The following EIF4A3 variants were observed in gnomAD, a reference collection of about 807,000 sequenced individuals.
EIF4A3 encodes the protein eukaryotic translation initiation factor 4A3.
Under a neutral mutation model 55.6 loss-of-function variants are expected in EIF4A3, and 1 was observed. The observed-to-expected ratio is 0.02, with a 90% CI of 0.01 to 0.09. EIF4A3 has a LOEUF of 0.09. Among genes scored for constraint, EIF4A3 ranks in the 10% least tolerant of loss-of-function variants. The pLI, the probability that EIF4A3 is intolerant of heterozygous loss-of-function variation, is 1.00. For missense variants in EIF4A3, 221 were observed against 540.7 expected, an observed-to-expected ratio of 0.41 and a Z score of 5.86; for synonymous variants, 194 against 196.3, an observed-to-expected ratio of 0.99 and a Z score of 0.10.
In EIF4A3 at chr17:80,142,208, A is replaced by T. The variant is rs2039624182; in HGVS notation, c.243-360T>A. Among the ~76,000 whole-genome samples, 2 of 152,216 alleles carry T rather than the reference A, an allele frequency of 1.3e-5. 1 individual carries two copies. Among genetic ancestry groups the T allele is most frequent in the Admixed American group, 1.3e-4 (2 of 15,274 alleles). ...TTCCAAAGAAATTTTTGTGTAAATG[A>T]GTCTTTTTTGAAATTAGGCAAACGA... On this transcript the variant is annotated intron_variant, in intron 2 of 11. Transcript: ENST00000649764.
rs2039555624 is a variant in EIF4A3 at position 80,134,651 on chromosome 17, C to T, written c.*839G>A. Among the ~76,000 whole-genome samples the T allele has an allele frequency of 6.6e-6, 1 of 152,048 alleles. No homozygotes were observed. On this transcript the variant is annotated 3_prime_UTR_variant, in exon 12 of 12. Transcript: ENST00000649764. ...CCAGCCTAGGCCACAAAGTGAGACC[C>T]TGTCTCTACAAAAAATTTAAATATT...
At chr17:80,142,401 C>T (rs747072178) in intron 2 of EIF4A3, among the ~76,000 whole-genome samples, 1 of 152,148 alleles carries the variant, frequency 6.6e-6, no homozygotes, top group Admixed American at 6.5e-5. Context: ...TCTCCTTTCA[C>T]CTGCTCCACA....
rs745452702 is a variant in EIF4A3, at chr17:80,144,251, A to G, written c.170-7T>C. 1.2e-6 allele frequency: 2 copies of G among 1,613,988 alleles called. No homozygotes were observed. On this transcript the variant is annotated splice_region_variant and splice_polypyrimidine_tract_variant and intron_variant, in intron 1 of 11. Coordinates refer to ENST00000649764, the MANE Select transcript of EIF4A3 (RefSeq NM_014740.4). ...GCTGATGGTTTTTCAAAACCTGCAA[A>G]TAAAAACAAAAAATTAGCCCTCACC...
rs555618021 is a variant in EIF4A3 at position 80,134,436 on chromosome 17, G to T, written c.*1054C>A. Among the ~76,000 whole-genome samples, 25 of 152,032 alleles carry T rather than the reference G, an allele frequency of 1.6e-4. No individual in the cohort carries two copies. In the South Asian group the frequency reaches 4.8e-3, roughly 29 times the overall value. ...AACAGATAATTATCTGTTTTAGTTT[G>T]TCAACATTGTGGTAAGTCATGATCC... On this transcript the variant is annotated 3_prime_UTR_variant, in exon 12 of 12. Transcript: ENST00000649764.
intron 1 of EIF4A3, 112 bp downstream of exon 1, chr17:80,146,681 G>T: frequency 7.5e-7 from 1 of 1,337,218 alleles, no homozygotes; most frequent in South Asian, 1.5e-5. Context: ...CCTCGACCCT[G>T]ACCACGACCT....
At chr17:80,139,554 A>T in intron 6 of EIF4A3, 116 bp downstream of exon 6, 1 of 911,708 alleles carries the variant, frequency 1.1e-6, no homozygotes, top group Non-Finnish European at 1.6e-6. Context: ...TTGTTTTTCC[A>T]CGATGAAAAC....
In EIF4A3 at chr17:80,144,258, CA is replaced by C. The variant is rs1567851112; in HGVS notation, c.170-15del. 6.2e-7 allele frequency: 1 copy of C among 1,613,604 alleles called. No individual in the cohort carries two copies. Among genetic ancestry groups the C allele is most frequent in the Non-Finnish European group, 8.5e-7 (1 of 1,179,740 alleles). ...GTTTTTCAAAACCTGCAAATAAAAACAAAAAATTAGCCCTCACCACAATGAC... is the reference window on the plus strand; with the variant it reads ...GTTTTTCAAAACCTGCAAATAAAAACAAAAATTAGCCCTCACCACAATGAC... On this transcript the variant is annotated splice_polypyrimidine_tract_variant and intron_variant, in intron 1 of 11. Transcript: ENST00000649764.
chr17:80,146,631 CG>C (rs1182950782), intron 1 of EIF4A3, among the ~76,000 whole-genome samples, 161 bp downstream of exon 1: 1 of 151,210 alleles, frequency 6.6e-6, no homozygotes, highest in East Asian at 2.0e-4. Context: ...AGGGCGAGGA[CG>C]GGGGTGGGGG....
intron 8 of EIF4A3, among the ~76,000 whole-genome samples, chr17:80,137,863 G>A (rs965687973): frequency 2.0e-4 from 30 of 152,048 alleles, no homozygotes; most frequent in Non-Finnish European, 1.6e-4. Flanking sequence ...CATCACCTGG[G>A]GATCTAAAAC....
intron 7 of EIF4A3, chr17:80,138,530 TAA>T (rs1421762572): frequency 4.6e-6 from 2 of 437,998 alleles, no homozygotes; most frequent in Non-Finnish European, 8.0e-6. Context: ...CACTGATAAA[TAA>T]ATAGTCACCT....
At position 80,139,166 on chromosome 17, in the gene EIF4A3, G is replaced by C. The variant is rs1288782704; in HGVS notation, c.587-4C>G. On this transcript the variant is annotated splice_polypyrimidine_tract_variant and splice_region_variant and intron_variant, in intron 6 of 11. Transcript: ENST00000649764. ...TCGTAAATCTGCTCTTTGAAACCTG[G>C]GACAGGGAGCAAGACAGGTGAGGGA... 1 of 1,613,914 alleles carries C rather than the reference G, an allele frequency of 6.2e-7. No homozygotes were observed. The highest frequency in any genetic ancestry group is 8.5e-7 in the Non-Finnish European group (1 of 1,179,940).
chr17:80,146,235 T>A (rs1241397188), intron 1 of EIF4A3, among the ~76,000 whole-genome samples: 1 of 109,766 alleles, frequency 9.1e-6, no homozygotes, highest in Non-Finnish European at 2.1e-5. Context: ...CCAACTGCTC[T>A]TCCCTCTTCT....
chr17:80,135,425 T>TA lies in EIF4A3; in HGVS notation c.*64dup. ...AACCCCATTAAGTAGAATCTGGATC[T>TA]AAATACTTCCAAACAGGAGTACACA... On this transcript the variant is annotated 3_prime_UTR_variant, in exon 12 of 12. Transcript: ENST00000649764. 6.6e-7 allele frequency: 1 copy of TA among 1,517,200 alleles called. No individual in the cohort carries two copies. The highest frequency in any genetic ancestry group is 1.3e-5 in the South Asian group (1 of 77,852). The allele number at this position is 1,517,200 out of a possible 1,614,324, so 94.0% of individuals were successfully genotyped here. A position where few individuals can be genotyped will look rare whatever the true frequency, so the allele number is the denominator to read the frequency against.
intron 1 of EIF4A3, among the ~76,000 whole-genome samples, chr17:80,146,000 AT>A (rs540711553): frequency 9.2e-5 from 14 of 152,232 alleles, no homozygotes; most frequent in African/African-American, 3.4e-4. Context: ...ACCCAGAAGA[AT>A]CTTTAAAACT....
At chr17:80,139,410 T>G (rs2039599875) in intron 6 of EIF4A3, 1 of 634,242 alleles carries the variant, frequency 1.6e-6, no homozygotes, top group East Asian at 2.8e-5. Context: ...TGAAGTGATC[T>G]AGGGATCAAG....
chr17:80,142,865 CCT>C (rs1396940062), intron 2 of EIF4A3, among the ~76,000 whole-genome samples: 22 of 152,028 alleles, frequency 1.4e-4, no homozygotes, highest in Non-Finnish European at 2.9e-5. Context: ...ACAACAAAAC[CCT>C]GTCTCTACAG....
intron 4 of EIF4A3, 173 bp from the exon 5 acceptor site, chr17:80,140,313 C>CA: frequency 4.8e-6 from 2 of 418,348 alleles, no homozygotes; most frequent in Non-Finnish European, 7.2e-6. Flanking sequence ...GTTAATTTTG[C>CA]TTTTTTTTTT....
At position 80,139,083 on chromosome 17, in the gene EIF4A3, T is replaced by C; in HGVS notation, c.666A>G (p.Pro222=). 1 of 1,614,188 alleles carries C rather than the reference T, an allele frequency of 6.2e-7. No individual in the cohort carries two copies. Among genetic ancestry groups the C allele is most frequent in the Non-Finnish European group, 8.5e-7 (1 of 1,180,038 alleles). The change falls in exon 7 of 12, where the codon CCA becomes CCG. Residue 222 remains proline, a synonymous_variant. Coordinates refer to ENST00000649764, the MANE Select transcript of EIF4A3 (RefSeq NM_014740.4). ...TQVVLISATL[P]HEILEMTNKF... ...TGTTGGTCATCTCCAGAATCTCGTG[T>C]GGCAGCGTGGCACTGATGAGAACCA...
At chr17:80,143,966 C>T (rs1464927426) in intron 2 of EIF4A3, among the ~76,000 whole-genome samples, 4 of 152,022 alleles carry the variant, frequency 2.6e-5, no homozygotes, top group Non-Finnish European at 5.9e-5. Flanking sequence ...GGCAACAGAG[C>T]GAGACTCCAT....
Sources: gnomAD v4.1 joint callset for allele counts (sites outside exome capture counted in the v4.1 genomes callset) on GRCh38, gnomAD v4.1.1 for gene constraint, MANE v1.5 for transcripts, NCBI Gene and HGNC (gene_info 2026-07-23, HGNC 2026-07-21) for gene names.